NEURL1: variants seen among roughly 807,000 people sequenced by gnomAD.
NEURL1 encodes E3 ubiquitin-protein ligase NEURL1.
Under a neutral mutation model 41.2 loss-of-function variants are expected in NEURL1, and 26 were observed. The observed-to-expected ratio is 0.63, with a 90% confidence interval of 0.46 to 0.87. The LOEUF (loss-of-function observed/expected upper bound fraction) is 0.87, where lower values mean the gene tolerates loss of function less well. Ranked by LOEUF, NEURL1 falls within the 40% of genes least tolerant of loss-of-function variation. The pLI, the probability that NEURL1 is intolerant of heterozygous loss-of-function variation, is 0.00. For synonymous variants in NEURL1, 400 were observed against 402.3 expected (o/e 0.99, Z 0.07); for missense variants, 761 against 871.1 (o/e 0.87, Z 1.59).
chr10:103,551,727 G>GA (rs2035035839), intron 1 of NEURL1, among the ~76,000 whole-genome samples: 1 of 152,244 alleles, frequency 6.6e-6, no homozygotes, highest in African/African-American at 2.4e-5. Flanking sequence ...AGTGACAGGA[G>GA]AGGGAAGCCT....
At chr10:103,517,349 T>C (rs1482266319) in intron 1 of NEURL1, 1 of 152,260 alleles carries the variant, frequency 6.6e-6, no homozygotes, top group African/African-American at 2.4e-5. Flanking sequence ...ATTACTCACC[T>C]TCTTCAAACT....
At chr10:103,587,167 AAAAAAAT>A (rs1443266731) in intron 4 of NEURL1, among the ~76,000 whole-genome samples, 1 of 152,184 alleles carries the variant, frequency 6.6e-6, no homozygotes, top group African/African-American at 2.4e-5. Context: ...GCTGGGATGC[AAAAAAAT>A]AAAAAATAAA....
Position 103,590,168 on chromosome 10 carries a change from G to T in NEURL1, c.1521G>T (p.Glu507Asp). ...CCAATTCGCCAGTGAGCCTGCCCGA[G>T]TCGCCAGTGACCCCAGGTCTGGGCC... The part of the protein sequence containing the change: ...TAPNSPVSLP[E>D]SPVTPGLGQW... Residue 507 changes from glutamate to aspartate, a missense_variant, in exon 6 of 6, where the codon GAG (glutamate) becomes GAT (aspartate). Glu to Asp is a conservative substitution (Grantham distance 45). Transcript: ENST00000369780. 6.2e-7 allele frequency: 1 copy of T among 1,614,128 alleles called. No homozygotes were observed. Among genetic ancestry groups the T allele is most frequent in the Non-Finnish European group, 8.5e-7 (1 of 1,180,040 alleles).
intron 1 of NEURL1, among the ~76,000 whole-genome samples, chr10:103,532,918 T>A (rs2133859996): frequency 8.0e-6 from 1 of 125,386 alleles, no homozygotes; most frequent in East Asian, 2.6e-4. Flanking sequence ...CCTTCTCTTC[T>A]CCTTTTTTTT....
At chr10:103,548,546 C>T (rs2034970333) in intron 1 of NEURL1, among the ~76,000 whole-genome samples, 1 of 152,140 alleles carries the variant, frequency 6.6e-6, no homozygotes, top group Non-Finnish European at 1.5e-5. Flanking sequence ...TGGTCTCGAA[C>T]TCCTGACCTC....
intron 1 of NEURL1, among the ~76,000 whole-genome samples, chr10:103,506,887 G>T (rs530336914): frequency 6.6e-6 from 1 of 152,168 alleles, no homozygotes; most frequent in East Asian, 1.9e-4. Context: ...TCCTTTTCTT[G>T]CCCTGCTCTT....
intron 1 of NEURL1, among the ~76,000 whole-genome samples, chr10:103,557,883 C>A (rs2035191428): frequency 6.6e-6 from 1 of 152,080 alleles, no homozygotes; most frequent in Admixed American, 6.6e-5. Flanking sequence ...CTTTTCTTTT[C>A]TTTTCTTTTT....
intron 1 of NEURL1, among the ~76,000 whole-genome samples, chr10:103,531,406 TA>T (rs1017524316): frequency 6.6e-6 from 1 of 152,282 alleles, no homozygotes; most frequent in African/African-American, 2.4e-5. Flanking sequence ...GAAACATTTT[TA>T]TTTTTTTTAT....
At chr10:103,551,270 T>A (rs1190357761) in intron 1 of NEURL1, among the ~76,000 whole-genome samples, 3 of 151,994 alleles carry the variant, frequency 2.0e-5, no homozygotes, top group Non-Finnish European at 4.4e-5. Context: ...CTCACCCTTT[T>A]AGTAACAGAA....
At chr10:103,531,540 C>G (rs917027611) in intron 1 of NEURL1, among the ~76,000 whole-genome samples, 2 of 150,550 alleles carry the variant, frequency 1.3e-5, no homozygotes, top group Non-Finnish European at 3.0e-5. Flanking sequence ...TGTCTGGCCC[C>G]CACTTTTTTT....
At chr10:103,559,845 C>CACACACACATGTGT (rs2035244046) in intron 1 of NEURL1, among the ~76,000 whole-genome samples, 1 of 144,008 alleles carries the variant, frequency 6.9e-6, no homozygotes, top group Non-Finnish European at 1.5e-5. Context: ...CACATATGTG[C>CACACACACATGTGT]GCACACACAC....
intron 1 of NEURL1, among the ~76,000 whole-genome samples, chr10:103,567,578 G>A (rs1261757799): frequency 1.3e-5 from 2 of 151,944 alleles, no homozygotes; most frequent in African/African-American, 2.4e-5. Flanking sequence ...TAAATTTTTT[G>A]TAGAGATGAG....
intron 1 of NEURL1, among the ~76,000 whole-genome samples, chr10:103,501,255 G>A (rs2033815938): frequency 6.6e-6 from 1 of 152,198 alleles, no homozygotes; most frequent in Non-Finnish European, 1.5e-5. Context: ...TGCATGTAGT[G>A]ATTTTATTTC....
At chr10:103,548,930 T>C (rs955492661) in intron 1 of NEURL1, 3 of 152,232 alleles carry the variant, frequency 2.0e-5, no homozygotes, top group African/African-American at 7.2e-5. Flanking sequence ...GGCACATCCA[T>C]CCACCCTTCC....
At chr10:103,533,700 C>T (rs1355632985) in intron 1 of NEURL1, among the ~76,000 whole-genome samples, 2 of 152,128 alleles carry the variant, frequency 1.3e-5, no homozygotes, top group African/African-American at 4.8e-5. Context: ...TCACACCCGG[C>T]TAATTTTTTG....
chr10:103,498,476 T>C (rs1184837631), intron 1 of NEURL1, among the ~76,000 whole-genome samples: 1 of 152,242 alleles, frequency 6.6e-6, no homozygotes, highest in East Asian at 1.9e-4. Flanking sequence ...TCCGCCCGCC[T>C]CGGCCTCCCA....
chr10:103,585,401 A>G (rs1191486245), intron 4 of NEURL1, among the ~76,000 whole-genome samples, 176 bp downstream of exon 4: 10 of 152,100 alleles, frequency 6.6e-5, no homozygotes, highest in African/African-American at 2.2e-4. Context: ...TGGCCCTTAT[A>G]TGTCACCTGG....
chr10:103,524,011 C>G (rs530147210), intron 1 of NEURL1, among the ~76,000 whole-genome samples: 4 of 152,254 alleles, frequency 2.6e-5, no homozygotes, highest in African/African-American at 9.6e-5. Flanking sequence ...TTCTGAGGAA[C>G]CTTGATACTG....
At chr10:103,584,242 A>T (rs3781366) in intron 3 of NEURL1, among the ~76,000 whole-genome samples, 1 of 152,070 alleles carries the variant, frequency 6.6e-6, no homozygotes, top group Non-Finnish European at 1.5e-5. Flanking sequence ...GAGGAATACA[A>T]GTTTACTGTA....
Sources: allele counts gnomAD v4.1 joint callset (sites outside exome capture counted in the v4.1 genomes callset), GRCh38; gene constraint gnomAD v4.1.1; transcripts MANE v1.5; gene names NCBI Gene and HGNC (gene_info 2026-07-23, HGNC 2026-07-21).